NPHP4: variants seen among roughly 807,000 people sequenced by gnomAD.
NPHP4 encodes nephrocystin 4.
NPHP4 carries 151 observed loss-of-function variants against 155.8 expected under a neutral mutation model. That is an observed-to-expected ratio of 0.97 (90% CI 0.85 to 1.11). The LOEUF (loss-of-function observed/expected upper bound fraction) is 1.11, where lower values mean the gene tolerates loss of function less well. Ranked by LOEUF, NPHP4 falls within the 50% of genes least tolerant of loss-of-function variation. NPHP4 has a pLI of 0.00. For synonymous variants in NPHP4, 845 were observed against 816.8 expected (o/e 1.03, Z -0.59); for missense variants, 1,956 against 1,925.7 (o/e 1.02, Z -0.29).
chr1:5,941,289 C>CAAAAAAAAAAAAAAAAA (rs66676950), intron 9 of NPHP4, among the ~76,000 whole-genome samples: 6 of 44,764 alleles, frequency 1.3e-4, no homozygotes, highest in Admixed American at 3.2e-4. Context: ...GAGATCTAGA[C>CAAAAAAAAAAAAAAAAA]AAAAAAAAAA....
intron 6 of NPHP4, among the ~76,000 whole-genome samples, chr1:5,956,311 C>A (rs1649227265): frequency 6.6e-6 from 1 of 152,222 alleles, no homozygotes; most frequent in Admixed American, 6.5e-5. Flanking sequence ...GGTGCACACG[C>A]ACCCCCAGGA....
intron 11 of NPHP4, among the ~76,000 whole-genome samples, chr1:5,924,074 A>G (rs1179214462): frequency 6.6e-6 from 1 of 152,252 alleles, no homozygotes; most frequent in Non-Finnish European, 1.5e-5. Context: ...TCTAGAGATG[A>G]AAACTATAAT....
At chr1:5,937,357 G>A (rs1179226371) in intron 9 of NPHP4, among the ~76,000 whole-genome samples, 3 of 152,252 alleles carry the variant, frequency 2.0e-5, no homozygotes, top group Non-Finnish European at 4.4e-5. Flanking sequence ...GCTGTGGAGG[G>A]TGTGACACTT....
At chr1:5,952,899 G>C in intron 6 of NPHP4, 63 bp from the exon 7 acceptor site, 1 of 1,486,492 alleles carries the variant, frequency 6.7e-7, no homozygotes, top group South Asian at 1.3e-5. Flanking sequence ...GGCAGCCACC[G>C]AGGGTCCCTA....
chr1:5,941,105 AG>A (rs1203236938), intron 9 of NPHP4, among the ~76,000 whole-genome samples: 1 of 152,154 alleles, frequency 6.6e-6, no homozygotes, highest in Non-Finnish European at 1.5e-5. Context: ...CAGACAGGGC[AG>A]CCCATGAGAG....
intron 5 of NPHP4, among the ~76,000 whole-genome samples, chr1:5,964,914 A>AT (rs1383397021): frequency 1.7e-3 from 163 of 94,950 alleles, no homozygotes; most frequent in African/African-American, 7.4e-3. Flanking sequence ...TAATACATAT[A>AT]TATTATATAT....
intron 16 of NPHP4, among the ~76,000 whole-genome samples, chr1:5,898,936 C>T (rs1644533223): frequency 2.0e-5 from 3 of 152,130 alleles, no homozygotes; most frequent in African/African-American, 7.2e-5. Context: ...GGCCAGCAGG[C>T]CTGTGAAAGG....
rs373787394 is a variant in NPHP4, at chr1:5,927,693, T to A, written c.1397A>T (p.Lys466Ile). Residue 466 changes from lysine (K) to isoleucine (I), a missense_variant, in exon 11 of 30, where the codon AAA (lysine) becomes ATA (isoleucine). Coordinates refer to ENST00000378156, the MANE Select transcript of NPHP4 (RefSeq NM_015102.5). The part of the protein sequence containing the change: ...DAPTEPVSGP[K>I]VERRPSRKPP... ...TTTCCTGGAAGGCCGCCGCTCCACT[T>A]TGGGGCCACTGACAGGCTCCGTGGG... 1.9e-6 allele frequency: 3 copies of A among 1,613,258 alleles called. No homozygotes were observed. The highest frequency in any genetic ancestry group is 2.2e-5 in the South Asian group (2 of 91,070).
chr1:5,869,046 CCCCCACACGCACACACATGCAT>C (rs1480878482), intron 23 of NPHP4, among the ~76,000 whole-genome samples: 1 of 137,146 alleles, frequency 7.3e-6, no homozygotes, highest in Non-Finnish European at 1.6e-5. Context: ...TGCACACATG[CCCCCACACGCACACACATGCAT>C]GCCCACATGC....
At chr1:5,880,005 ACACACACACACATGCACACACGCATG>A in intron 19 of NPHP4, 83 bp downstream of exon 19, 2 of 1,111,372 alleles carry the variant, frequency 1.8e-6, no homozygotes, top group Non-Finnish European at 2.6e-6. Flanking sequence ...CGAATGGTGC[ACACACACACACATGCACACACGCATG>A]CACACACACA....
chr1:5,949,461 T>C (rs1284286096), intron 7 of NPHP4, among the ~76,000 whole-genome samples: 1 of 151,804 alleles, frequency 6.6e-6, no homozygotes, highest in Non-Finnish European at 1.5e-5. Context: ...CCAAACACCG[T>C]TCATGCACAT....
chr1:5,936,713 A>G (rs1328258935), intron 9 of NPHP4, among the ~76,000 whole-genome samples: 3 of 152,242 alleles, frequency 2.0e-5, no homozygotes, highest in Non-Finnish European at 4.4e-5. Flanking sequence ...TACCACGCAA[A>G]GCCGCTCACA....
rs949777055 is a variant in NPHP4 at position 5,944,960 on chromosome 1, C to T, written c.1119+2144G>A. On this transcript the variant is annotated intron_variant, in intron 9 of 29. Coordinates refer to ENST00000378156, the MANE Select transcript of NPHP4 (RefSeq NM_015102.5). The surrounding 1 kb of genome is among the most constrained non-coding windows in gnomAD (Gnocchi z 4.3). ...GGGGCGACAGAGTGAGACTCTGTCT[C>T]GAAAAGAGAAGAGAAGAGAAATCAG... is the stretch of plus-strand genomic sequence containing the variant. 4.6e-5 allele frequency among the ~76,000 whole-genome samples: 7 copies of T among 151,960 alleles called. No individual in the cohort carries two copies. The highest frequency in any genetic ancestry group is 1.7e-4 in the African/African-American group (7 of 41,354).
chr1:5,952,249 T>C (rs996414604), intron 7 of NPHP4, among the ~76,000 whole-genome samples: 20 of 152,200 alleles, frequency 1.3e-4, no homozygotes, highest in African/African-American at 4.6e-4. Context: ...ACGAGCCCCA[T>C]GTCCCCGCCG....
At chr1:5,958,893 C>T (rs1477897802) in intron 6 of NPHP4, among the ~76,000 whole-genome samples, 2 of 142,372 alleles carry the variant, frequency 1.4e-5, no homozygotes, top group African/African-American at 2.6e-5. Flanking sequence ...AAGAATCTGG[C>T]TGTCATTACA....
rs368665598 is a variant in NPHP4, at chr1:5,873,336, C to T, written c.3232-1G>A. 3 of 1,613,598 alleles carry T rather than the reference C, an allele frequency of 1.9e-6. No homozygotes were observed. The highest frequency in any genetic ancestry group is 2.5e-6 in the Non-Finnish European group (3 of 1,179,540). ...TCTCGTTGCTCAACCCAGGAGAGGC[C>T]TGCAGGAACCGAACAGCACAAGCAG... is the stretch of plus-strand genomic sequence containing the variant. On this transcript the variant is annotated splice_acceptor_variant, in intron 22 of 29. Transcript: ENST00000378156. LOFTEE classifies it high-confidence loss of function.
intron 9 of NPHP4, among the ~76,000 whole-genome samples, chr1:5,940,493 G>A (rs369750758): frequency 3.1e-4 from 47 of 152,136 alleles, no homozygotes; most frequent in African/African-American, 1.0e-3. Context: ...AAATCTCCCC[G>A]CTTTACTCTT....
intron 6 of NPHP4, among the ~76,000 whole-genome samples, chr1:5,959,700 C>T (rs2102104073): frequency 6.6e-6 from 1 of 152,334 alleles, no homozygotes; most frequent in African/African-American, 2.4e-5. Context: ...CAGGCGACAT[C>T]TCACAGCTAG....
At chr1:5,869,292 C>A (rs1045606574) in intron 23 of NPHP4, among the ~76,000 whole-genome samples, 4 of 150,104 alleles carry the variant, frequency 2.7e-5, no homozygotes, top group Non-Finnish European at 5.9e-5. Context: ...TACATGTACA[C>A]AGATGCACAA....
Sources: gnomAD v4.1 joint callset for allele counts (sites outside exome capture counted in the v4.1 genomes callset) on GRCh38, gnomAD v4.1.1 for gene constraint, Gnocchi (gnomAD v3.1) non-coding constraint, MANE v1.5 for transcripts, NCBI Gene and HGNC (gene_info 2026-07-23, HGNC 2026-07-21) for gene names.